Variants in FXYD6 observed in about 807,000 individuals in gnomAD.
FXYD6 encodes FXYD domain containing ion transport regulator 6.
FXYD6 carries 7 observed loss-of-function variants against 16.7 expected under a neutral mutation model. The observed-to-expected ratio is 0.42, with a 90% CI of 0.24 to 0.79. The LOEUF (loss-of-function observed/expected upper bound fraction) is 0.79. FXYD6 is among the 30% of genes least tolerant of loss of function. The pLI, the probability that FXYD6 is intolerant of heterozygous loss-of-function variation, is 0.28. For synonymous variants in FXYD6, 49 were observed against 43.0 expected, an observed-to-expected ratio of 1.14 and a Z score of -0.54; for missense variants, 111 against 116.2, an observed-to-expected ratio of 0.95 and a Z score of 0.21.
intron 1 of FXYD6, among the ~76,000 whole-genome samples, chr11:117,850,415 G>C (rs1202570081): frequency 6.6e-6 from 1 of 152,156 alleles, no homozygotes; most frequent in Non-Finnish European, 1.5e-5. Context: ...TAAATTCTAT[G>C]TTACTCTCTA....
rs1280825728 is a variant in FXYD6 at position 117,868,985 on chromosome 11, T to G, written c.-6+7607A>C. The G allele has an allele frequency of 2.0e-5, 3 of 152,232 alleles. No individual in the cohort carries two copies. In the East Asian group the frequency reaches 5.8e-4, roughly 29 times the overall value. 9.4% of individuals were successfully genotyped at this position (152,232 alleles called of 1,614,324 possible). Reference sequence around the variant, plus strand: ...CAAACAAACAACCATCAAGGGCTTTTAAAGCTGCCTTTTAAAACAAGTGCT... The same window carrying G: ...CAAACAAACAACCATCAAGGGCTTTGAAAGCTGCCTTTTAAAACAAGTGCT... On this transcript the variant is annotated intron_variant, in intron 1 of 7. Coordinates refer to ENST00000526014, the MANE Select transcript of FXYD6 (RefSeq NM_022003.4).
intron 5 of FXYD6, 73 bp from the exon 6 acceptor site, chr11:117,840,441 C>T: frequency 9.4e-6 from 15 of 1,595,450 alleles, no homozygotes; most frequent in Non-Finnish European, 1.3e-5. Flanking sequence ...TTCTGCTCCT[C>T]ACTGGGGCAC....
intron 1 of FXYD6, among the ~76,000 whole-genome samples, chr11:117,869,837 G>A (rs1206292579): frequency 1.3e-5 from 2 of 150,000 alleles, no homozygotes; most frequent in African/African-American, 2.5e-5. Context: ...GCGGAGGCAT[G>A]GTGGAGAGAT....
Position 117,840,418 on chromosome 11 carries a change from C to A in FXYD6, c.210-50G>T, listed in dbSNP as rs1368152984. 5 of 1,613,120 alleles carry A rather than the reference C, an allele frequency of 3.1e-6. No homozygotes were observed. In the South Asian group the frequency reaches 3.3e-5, roughly 11 times the overall value. The stretch of plus-strand genomic sequence containing the variant: ...CCCATCAGAGATCTCCAGGGCAGAC[C>A]CAGAGAGCATCGTTCTGCTCCTCAC... On this transcript the variant is annotated intron_variant, in intron 5 of 7. Transcript: ENST00000526014.
At chr11:117,858,723 CCCTT>C (rs761682132) in intron 1 of FXYD6, among the ~76,000 whole-genome samples, 1,068 of 41,204 alleles carry the variant, frequency 0.026, 47 homozygotes, top group African/African-American at 0.055. Flanking sequence ...CTCCTTCCTT[CCCTT>C]CCTTCCTTCC....
At chr11:117,874,352 C>T (rs1022806741) in intron 1 of FXYD6, among the ~76,000 whole-genome samples, 2 of 152,210 alleles carry the variant, frequency 1.3e-5, no homozygotes, top group African/African-American at 4.8e-5. Context: ...AGAAGCCACA[C>T]GTCTTGGGAG....
rs553208196 is a variant in FXYD6, at chr11:117,837,951, C to A, written c.*348G>T. The stretch of plus-strand genomic sequence containing the variant: ...AGATGGCCATGTGGCTCAGCCCCTG[C>A]CTGGGAAAGCGAGTCCACAGTTCAC... On this transcript the variant is annotated 3_prime_UTR_variant, in exon 8 of 8. Coordinates refer to ENST00000526014, the MANE Select transcript of FXYD6 (RefSeq NM_022003.4). The surrounding 1 kb of genome is among the most constrained non-coding windows in gnomAD (Gnocchi z 4.4). The A allele has an allele frequency of 1.6e-4, 82 of 506,094 alleles. No individual in the cohort carries two copies. In the South Asian group the frequency reaches 1.9e-3, roughly 11 times the overall value. 31.4% of individuals were successfully genotyped at this position (506,094 alleles called of 1,614,324 possible). A position where few individuals can be genotyped will look rare whatever the true frequency, so the allele number is the denominator to read the frequency against.
In FXYD6 at chr11:117,858,679, CTTTCTTTCTTTCTTTCTTTCTT is replaced by C. The variant is rs1477425495; in HGVS notation, c.-5-15920_-5-15899del. Among the ~76,000 whole-genome samples, 282 of 87,080 alleles carry C rather than the reference CTTTCTTTCTTTCTTTCTTTCTT, an allele frequency of 3.2e-3. 9 individuals are homozygous for C. The highest frequency in any genetic ancestry group is 0.013 in the African/African-American group (254 of 19,590). 57.1% of individuals were successfully genotyped at this position (87,080 alleles called of 152,430 possible). ...TCTTTCTTTCTTTCTTTCTTTCTTT[CTTTCTTTCTTTCTTTCTTTCTT>C]TCTCTCTCTCTCTCCTTCCTTCCCT... On this transcript the variant is annotated intron_variant, in intron 1 of 7. Coordinates refer to ENST00000526014, the MANE Select transcript of FXYD6 (RefSeq NM_022003.4).
At position 117,842,743 on chromosome 11, in the gene FXYD6, G is replaced by A. The variant is rs1462779166; in HGVS notation, c.34C>T (p.Leu12=). 1 of 1,569,972 alleles carries A rather than the reference G, an allele frequency of 6.4e-7. No homozygotes were observed. The highest frequency in any genetic ancestry group is 1.2e-5 in the South Asian group (1 of 85,140). The part of the protein sequence containing the change: ...ELVLVFLCSL[L]APMVLASAAE... The stretch of plus-strand genomic sequence containing the variant: ...CCACTGGCCAGGACCATGGGGGCCA[G>A]CAGGCTGCAGAGGAAGACCAGCACC... Residue 12 remains leucine, a synonymous_variant, in exon 2 of 8, where the codon CTG becomes TTG. Coordinates refer to ENST00000526014, the MANE Select transcript of FXYD6 (RefSeq NM_022003.4).
chr11:117,842,587 A>T, intron 2 of FXYD6, 132 bp downstream of exon 2: 1 of 874,796 alleles, frequency 1.1e-6, no homozygotes. Flanking sequence ...CTGAAGGGAG[A>T]GGCCCCTGAC....
At chr11:117,858,701 T>TCTCTC (rs1565323741) in intron 1 of FXYD6, among the ~76,000 whole-genome samples, 2 of 58,344 alleles carry the variant, frequency 3.4e-5, no homozygotes, top group African/African-American at 1.6e-4. Flanking sequence ...CTTTCTTTCT[T>TCTCTC]TCTCTCTCTC....
At position 117,858,647 on chromosome 11, in the gene FXYD6, CT is replaced by C. The variant is rs1308818836; in HGVS notation, c.-5-15867del. On this transcript the variant is annotated intron_variant, in intron 1 of 7. Coordinates refer to ENST00000526014, the MANE Select transcript of FXYD6 (RefSeq NM_022003.4). ...CATTTTCTTTTTTCTTTCTTTCTTT[CT>C]TTCTTTCTTTCTTTCTTTCTTTCTT... Among the ~76,000 whole-genome samples the C allele has an allele frequency of 2.4e-3, 127 of 52,852 alleles. 11 individuals carry two copies. Among genetic ancestry groups the C allele is most frequent in the East Asian group, 7.8e-3 (9 of 1,152 alleles). 34.7% of individuals were successfully genotyped at this position (52,852 alleles called of 152,430 possible).
intron 1 of FXYD6, among the ~76,000 whole-genome samples, chr11:117,856,404 G>A (rs930987721): frequency 3.3e-5 from 5 of 151,944 alleles, no homozygotes; most frequent in Non-Finnish European, 5.9e-5. Context: ...CCCTGCTCCC[G>A]AAGCTTCACT....
chr11:117,864,159 A>G (rs2056965774), intron 1 of FXYD6, among the ~76,000 whole-genome samples: 1 of 152,240 alleles, frequency 6.6e-6, no homozygotes, highest in African/African-American at 2.4e-5. Flanking sequence ...CTGAAAAAGA[A>G]CAAAGCTGAA....
At chr11:117,865,562 A>G (rs905110611) in intron 1 of FXYD6, among the ~76,000 whole-genome samples, 22 of 152,240 alleles carry the variant, frequency 1.4e-4, no homozygotes, top group Non-Finnish European at 2.1e-4. Flanking sequence ...CAACACATGC[A>G]TGAATCTTGT....
rs1374815881 is a variant in FXYD6, at chr11:117,872,433, T to C, written c.-6+4159A>G. 6.6e-6 allele frequency among the ~76,000 whole-genome samples: 1 copy of C among 152,082 alleles called. No individual in the cohort carries two copies. The highest frequency in any genetic ancestry group is 2.4e-5 in the African/African-American group (1 of 41,398). On this transcript the variant is annotated intron_variant, in intron 1 of 7. Transcript: ENST00000526014. This position sits in a 1 kb window ranked among gnomAD's most constrained non-coding sequence, Gnocchi z 4.9. ...CATTGATCTACCTGAGCAGGAGGGC[T>C]CCAGCAAAGGAGAAACCTCAGAAGC...
At chr11:117,856,237 T>C (rs1376544242) in intron 1 of FXYD6, among the ~76,000 whole-genome samples, 2 of 152,212 alleles carry the variant, frequency 1.3e-5, no homozygotes, top group Non-Finnish European at 2.9e-5. Flanking sequence ...GTTGATGATA[T>C]AGCAACATGC....
chr11:117,848,241 C>T (rs2056519293), intron 1 of FXYD6, among the ~76,000 whole-genome samples: 1 of 152,092 alleles, frequency 6.6e-6, no homozygotes, highest in Admixed American at 6.5e-5. Context: ...TTGAAAGTTC[C>T]CCTCTAATCC....
intron 1 of FXYD6, among the ~76,000 whole-genome samples, chr11:117,876,018 GAA>G (rs1565335995): frequency 6.6e-6 from 1 of 152,016 alleles, no homozygotes; most frequent in Non-Finnish European, 1.5e-5. Context: ...AAGAAGGAGG[GAA>G]AAAATGATGC....
Sources: gnomAD v4.1 joint callset for allele counts (sites outside exome capture counted in the v4.1 genomes callset) on GRCh38, gnomAD v4.1.1 for gene constraint, Gnocchi (gnomAD v3.1) non-coding constraint, MANE v1.5 for transcripts, NCBI Gene and HGNC (gene_info 2026-07-23, HGNC 2026-07-21) for gene names.